ZBTB8A: variants seen among roughly 807,000 people sequenced by gnomAD.
The protein encoded by ZBTB8A is zinc finger and BTB domain-containing protein 8A.
In ZBTB8A, 19 loss-of-function variants were observed where a neutral mutation model predicts 37.8. The ratio of observed to expected loss-of-function variants is 0.50; its 90% confidence interval spans 0.35 to 0.74. The LOEUF is 0.74. Among genes scored for constraint, ZBTB8A ranks in the 30% least tolerant of loss-of-function variants. ZBTB8A has a pLI of 0.01. For missense variants in ZBTB8A, 394 were observed against 537.8 expected, an observed-to-expected ratio of 0.73 and a Z score of 2.65; for synonymous variants, 181 against 185.2, an observed-to-expected ratio of 0.98 and a Z score of 0.19.
rs1320792885 is a variant in ZBTB8A, at chr1:32,600,117, A to G, written c.1024A>G (p.Lys342Glu). 4 of 1,613,368 alleles carry G rather than the reference A, an allele frequency of 2.5e-6. No homozygotes were observed. Among genetic ancestry groups the G allele is most frequent in the African/African-American group, 1.3e-5 (1 of 74,940 alleles). The part of the protein sequence containing the change: ...IHQACKLICR[K>E]CKRHVTDLTG... ...CCAGGCATGTAAACTCATCTGCAGA[A>G]AATGTAAACGTCATGTGACAGATCT... Residue 342 changes from lysine to glutamate, a missense_variant, in exon 5 of 5, where the codon AAA becomes GAA. Lys to Glu is a moderately conservative substitution (Grantham distance 56). Coordinates refer to ENST00000373510, the MANE Select transcript of ZBTB8A (RefSeq NM_001040441.3).
chr1:32,561,728 T>G (rs947664558), intron 2 of ZBTB8A, among the ~76,000 whole-genome samples: 21 of 151,866 alleles, frequency 1.4e-4, no homozygotes, highest in Admixed American at 1.2e-3. Flanking sequence ...TCCTCCTTTC[T>G]CCAGATCTCT....
chr1:32,557,382 A>T (rs1315965942), intron 2 of ZBTB8A, among the ~76,000 whole-genome samples: 1 of 152,302 alleles, frequency 6.6e-6, no homozygotes, highest in African/African-American at 2.4e-5. Context: ...TTTGCCTTGG[A>T]TTCTAGGGCA....
chr1:32,560,532 T>A (rs1475437333), intron 2 of ZBTB8A, among the ~76,000 whole-genome samples: 1 of 151,868 alleles, frequency 6.6e-6, no homozygotes, highest in East Asian at 1.9e-4. Context: ...TTGTTGTTGT[T>A]ATAAGTAACA....
chr1:32,600,494 G>A lies in ZBTB8A; in HGVS notation c.*75G>A, dbSNP rs925253368. 2.3e-5 allele frequency: 27 copies of A among 1,158,202 alleles called. No individual in the cohort carries two copies. Among genetic ancestry groups the A allele is most frequent in the Admixed American group, 8.9e-5 (4 of 44,876 alleles). 71.7% of individuals were successfully genotyped at this position (1,158,202 alleles called of 1,614,324 possible). A position where few individuals can be genotyped will look rare whatever the true frequency, so the allele number is the denominator to read the frequency against. On this transcript the variant is annotated 3_prime_UTR_variant, in exon 5 of 5. Transcript: ENST00000373510. ...CCTGTATCTCTCTCTTTCTATGGTC[G>A]GAGTCTAGTTAACAAATTTATCACA...
chr1:32,543,376 C>T (rs1006498762), intron 1 of ZBTB8A, among the ~76,000 whole-genome samples: 18 of 152,152 alleles, frequency 1.2e-4, no homozygotes, highest in Non-Finnish European at 2.6e-4. Context: ...TGAGCCACTG[C>T]GCCTGGCCTG....
At chr1:32,594,406 T>A (rs570818577) in intron 3 of ZBTB8A, among the ~76,000 whole-genome samples, 36 of 152,208 alleles carry the variant, frequency 2.4e-4, no homozygotes, top group African/African-American at 8.4e-4. Context: ...AGACACATAT[T>A]TTCACTTTAA....
chr1:32,579,121 G>C (rs1342359129), intron 2 of ZBTB8A, among the ~76,000 whole-genome samples: 2 of 151,942 alleles, frequency 1.3e-5, no homozygotes, highest in African/African-American at 4.8e-5. Flanking sequence ...TGGATGTTCA[G>C]CTTCAGCAAA....
chr1:32,548,171 C>T (rs1228977615), intron 1 of ZBTB8A, among the ~76,000 whole-genome samples: 29 of 149,308 alleles, frequency 1.9e-4, no homozygotes, highest in Non-Finnish European at 1.5e-5. Flanking sequence ...AAGAATAATC[C>T]TTCCTTAAGG....
At chr1:32,574,483 G>A (rs1238505051) in intron 2 of ZBTB8A, among the ~76,000 whole-genome samples, 1 of 152,106 alleles carries the variant, frequency 6.6e-6, no homozygotes, top group Non-Finnish European at 1.5e-5. Flanking sequence ...TGTGGTCCTA[G>A]TTACTTGGGA....
intron 2 of ZBTB8A, among the ~76,000 whole-genome samples, chr1:32,563,425 T>TC (rs1324704324): frequency 6.6e-6 from 1 of 152,106 alleles, no homozygotes; most frequent in African/African-American, 2.4e-5. Context: ...TCTCTCCTTT[T>TC]CCCCCCTAGG....
At chr1:32,557,288 C>T (rs1244684519) in intron 2 of ZBTB8A, among the ~76,000 whole-genome samples, 2 of 152,066 alleles carry the variant, frequency 1.3e-5, no homozygotes, top group African/African-American at 2.4e-5. Context: ...GGCAACAGAG[C>T]CAGACTCCCA....
intron 1 of ZBTB8A, among the ~76,000 whole-genome samples, chr1:32,542,860 G>A (rs1034288234): frequency 6.6e-6 from 1 of 152,106 alleles, no homozygotes; most frequent in African/African-American, 2.4e-5. Context: ...CATATAAATT[G>A]ATCTAACTTG....
At chr1:32,598,333 A>G (rs1449188924) in intron 4 of ZBTB8A, among the ~76,000 whole-genome samples, 1 of 149,642 alleles carries the variant, frequency 6.7e-6, no homozygotes, top group Non-Finnish European at 1.5e-5. Context: ...CCCGGGCTCA[A>G]GTGATTCTCC....
At chr1:32,555,261 C>T (rs1322135502) in intron 2 of ZBTB8A, among the ~76,000 whole-genome samples, 1 of 151,980 alleles carries the variant, frequency 6.6e-6, no homozygotes, top group African/African-American at 2.4e-5. Flanking sequence ...TGGTGGCAGG[C>T]GCCTGTAGTC....
intron 1 of ZBTB8A, among the ~76,000 whole-genome samples, chr1:32,551,200 A>G (rs1644152859): frequency 6.6e-6 from 1 of 152,098 alleles, no homozygotes; most frequent in Middle Eastern, 3.2e-3. Flanking sequence ...TATTCCAACA[A>G]GGTGGGAGGA....
chr1:32,555,217 GTC>G (rs1644191968), intron 2 of ZBTB8A, among the ~76,000 whole-genome samples: 1 of 152,072 alleles, frequency 6.6e-6, no homozygotes, highest in African/African-American at 2.4e-5. Flanking sequence ...GTGAAAACCT[GTC>G]TCTACTAGAA....
At chr1:32,595,971 C>A (rs1299594084) in intron 4 of ZBTB8A, among the ~76,000 whole-genome samples, 2 of 151,252 alleles carry the variant, frequency 1.3e-5, no homozygotes, top group Non-Finnish European at 2.9e-5. Context: ...CATTTTACTT[C>A]TTAAGAAATA....
intron 1 of ZBTB8A, among the ~76,000 whole-genome samples, chr1:32,543,823 C>A (rs945220764): frequency 3.3e-5 from 5 of 151,958 alleles, no homozygotes; most frequent in African/African-American, 9.7e-5. Context: ...ATTACAGGCA[C>A]CTGCCACCAT....
In ZBTB8A at chr1:32,593,506, A is replaced by G; in HGVS notation, c.575A>G (p.Asn192Ser). Residue 192 changes from asparagine (N) to serine (S), a missense_variant, in exon 3 of 5, where the codon AAT becomes AGT. Transcript: ENST00000373510. ...KYNYHPASQK[N>S]TQQPLAKHEP... ...AATTATCATCCAGCCTCCCAGAAGA[A>G]TACTCAACAACCCTTGGCCAAGCAT... 1.2e-6 allele frequency: 2 copies of G among 1,614,174 alleles called. No homozygotes were observed. Among genetic ancestry groups the G allele is most frequent in the African/African-American group, 2.7e-5 (2 of 75,060 alleles).
Sources: allele counts gnomAD v4.1 joint callset (sites outside exome capture counted in the v4.1 genomes callset), GRCh38; gene constraint gnomAD v4.1.1; transcripts MANE v1.5; gene names NCBI Gene and HGNC (gene_info 2026-07-23, HGNC 2026-07-21).